WWOX: variants seen among roughly 807,000 people sequenced by gnomAD.
The protein encoded by WWOX is WW domain containing oxidoreductase.
In WWOX, 69 loss-of-function variants were observed where a neutral mutation model predicts 46.2. The observed-to-expected ratio is 1.49, with a 90% CI of 1.23 to 1.82. The LOEUF (loss-of-function observed/expected upper bound fraction) is 1.82, where lower values mean the gene tolerates loss of function less well. Ranked by LOEUF, WWOX falls within the 40% of genes most tolerant of loss-of-function variation. The pLI, the probability that WWOX is intolerant of heterozygous loss-of-function variation, is 0.00. For missense variants in WWOX, 919 were observed against 542.6 expected (o/e 1.69, Z -6.89); for synonymous variants, 359 against 202.6 (o/e 1.77, Z -6.56).
intron 6 of WWOX, among the ~76,000 whole-genome samples, chr16:78,388,005 A>C (rs1372400108): frequency 6.6e-6 from 1 of 151,974 alleles, no homozygotes; most frequent in Admixed American, 6.6e-5. Flanking sequence ...CAGATATTCA[A>C]ATGGCCCTGT....
chr16:78,592,028 A>G (rs2045364558), intron 8 of WWOX, among the ~76,000 whole-genome samples: 1 of 152,122 alleles, frequency 6.6e-6, no homozygotes, highest in South Asian at 2.1e-4. Flanking sequence ...GTAAGCATCG[A>G]TTTTACCTTT....
chr16:78,837,860 T>C (rs1470990604), intron 8 of WWOX, among the ~76,000 whole-genome samples: 3 of 152,178 alleles, frequency 2.0e-5, no homozygotes, highest in Non-Finnish European at 2.9e-5. Flanking sequence ...GAAATATCAA[T>C]AAATATAAAG....
At chr16:78,816,373 C>T (rs769935779) in intron 8 of WWOX, among the ~76,000 whole-genome samples, 1 of 151,896 alleles carries the variant, frequency 6.6e-6, no homozygotes, top group Non-Finnish European at 1.5e-5. Flanking sequence ...TTGGTGTGTT[C>T]TTCAGTATTT....
intron 8 of WWOX, among the ~76,000 whole-genome samples, chr16:78,975,879 C>A (rs917683579): frequency 5.3e-5 from 8 of 152,198 alleles, no homozygotes; most frequent in Non-Finnish European, 4.4e-5. Context: ...GACCAAACCT[C>A]TTCCAGCTTT....
At chr16:78,828,830 C>T (rs1230868845) in intron 8 of WWOX, among the ~76,000 whole-genome samples, 3 of 152,156 alleles carry the variant, frequency 2.0e-5, no homozygotes, top group South Asian at 2.1e-4. Flanking sequence ...AATGGAGACT[C>T]TCAGGCCACT....
intron 8 of WWOX, among the ~76,000 whole-genome samples, chr16:79,150,088 A>G (rs1453773146): frequency 1.3e-5 from 2 of 152,190 alleles, no homozygotes. Context: ...AGTTGAGAAG[A>G]CTCACAGATG....
intron 8 of WWOX, among the ~76,000 whole-genome samples, chr16:78,870,765 C>A (rs1276302533): frequency 6.6e-6 from 1 of 152,152 alleles, no homozygotes; most frequent in Admixed American, 6.5e-5. Flanking sequence ...CCATGCCCAG[C>A]TAAATTTTTG....
At chr16:78,210,994 T>G (rs1435908579) in intron 5 of WWOX, among the ~76,000 whole-genome samples, 1 of 152,228 alleles carries the variant, frequency 6.6e-6, no homozygotes, top group East Asian at 1.9e-4. Context: ...CAAATTTTCT[T>G]TATTTCATTC....
At chr16:78,618,312 G>A (rs755640365) in intron 8 of WWOX, among the ~76,000 whole-genome samples, 23 of 152,182 alleles carry the variant, frequency 1.5e-4, no homozygotes, top group Non-Finnish European at 2.9e-4. Context: ...CAGGTCAGGT[G>A]GCTTAAACAA....
At chr16:78,800,134 C>T (rs1421366328) in intron 8 of WWOX, among the ~76,000 whole-genome samples, 9 of 151,840 alleles carry the variant, frequency 5.9e-5, no homozygotes, top group Non-Finnish European at 1.3e-4. Context: ...GCACTAAAAA[C>T]AGGGTTAGAA....
At chr16:78,395,730 C>T (rs532790151) in intron 6 of WWOX, among the ~76,000 whole-genome samples, 6 of 151,028 alleles carry the variant, frequency 4.0e-5, no homozygotes, top group Non-Finnish European at 8.8e-5. Context: ...TATTACTCTA[C>T]TGAGTATGGT....
chr16:78,878,495 AAC>A (rs1337702590), intron 8 of WWOX, among the ~76,000 whole-genome samples: 2 of 152,188 alleles, frequency 1.3e-5, no homozygotes, highest in Admixed American at 6.5e-5. Flanking sequence ...CAAATGAAAT[AAC>A]ACATATAAAA....
At chr16:78,458,220 C>A (rs776204968) in intron 8 of WWOX, among the ~76,000 whole-genome samples, 1 of 148,968 alleles carries the variant, frequency 6.7e-6, no homozygotes, top group Admixed American at 6.7e-5. Flanking sequence ...CTGCCCACTT[C>A]TATTCCCTGC....
chr16:79,001,434 C>T (rs1008107189), intron 8 of WWOX, among the ~76,000 whole-genome samples: 2 of 152,182 alleles, frequency 1.3e-5, no homozygotes, highest in Middle Eastern at 3.4e-3. Flanking sequence ...TCTGTGAAGC[C>T]AGATATTGGT....
At chr16:78,441,415 G>C (rs765720784) in intron 8 of WWOX, among the ~76,000 whole-genome samples, 4 of 152,202 alleles carry the variant, frequency 2.6e-5, no homozygotes, top group African/African-American at 7.2e-5. Context: ...AGGTAGGCAA[G>C]GGATTATAGT....
chr16:78,148,374 G>C (rs2034281346), intron 4 of WWOX, among the ~76,000 whole-genome samples: 1 of 152,122 alleles, frequency 6.6e-6, no homozygotes, highest in Non-Finnish European at 1.5e-5. Flanking sequence ...ATGAACTTGG[G>C]CCAGACAGCA....
intron 8 of WWOX, among the ~76,000 whole-genome samples, chr16:79,033,173 T>C (rs1305583741): frequency 6.9e-6 from 1 of 145,922 alleles, no homozygotes; most frequent in Non-Finnish European, 1.5e-5. Flanking sequence ...ATAAAATATA[T>C]ATTATGTATA....
At position 78,548,178 on chromosome 16, in the gene WWOX, A is replaced by C. The variant is rs61299140; in HGVS notation, c.1056+115426A>C. Among the ~76,000 whole-genome samples the C allele has an allele frequency of 1.1e-3, 120 of 112,730 alleles. 19 individuals carry two copies. The highest frequency in any genetic ancestry group is 1.8e-3 in the South Asian group (6 of 3,354). The allele number at this position is 112,730 out of a possible 152,430, so 74.0% of individuals were successfully genotyped here. ...AAAAAAAAAAAAAAAAAAAAAAAAA[A>C]TTACGAATTTTGCGAGGACGCAAAC... On this transcript the variant is annotated intron_variant, in intron 8 of 8. Transcript: ENST00000566780.
intron 6 of WWOX, among the ~76,000 whole-genome samples, chr16:78,402,477 T>TG (rs1183615915): frequency 6.6e-6 from 1 of 152,102 alleles, no homozygotes; most frequent in Admixed American, 6.6e-5. Flanking sequence ...ACATCATGGG[T>TG]GGGGGGTTGC....
Sources: allele counts gnomAD v4.1 joint callset (sites outside exome capture counted in the v4.1 genomes callset), GRCh38; gene constraint gnomAD v4.1.1; transcripts MANE v1.5; gene names NCBI Gene and HGNC (gene_info 2026-07-23, HGNC 2026-07-21).